NEGR1: variants seen among roughly 807,000 people sequenced by gnomAD.
NEGR1 encodes the protein neuronal growth regulator 1, also known as IgLON family member 4.
NEGR1 carries 10 observed loss-of-function variants against 40.9 expected under a neutral mutation model. That is an observed-to-expected ratio of 0.24 (90% CI 0.15 to 0.42). The LOEUF (loss-of-function observed/expected upper bound fraction) is 0.42, where lower values mean the gene tolerates loss of function less well. Among genes scored for constraint, NEGR1 ranks in the 10% least tolerant of loss-of-function variants. The pLI, the probability that NEGR1 is intolerant of heterozygous loss-of-function variation, is 1.00. For missense variants in NEGR1, 352 were observed against 438.9 expected (o/e 0.80, Z 1.77); for synonymous variants, 185 against 166.8 (o/e 1.11, Z -0.84).
chr1:72,148,785 A>G (rs183776361), intron 1 of NEGR1, among the ~76,000 whole-genome samples: 2 of 152,270 alleles, frequency 1.3e-5, no homozygotes, highest in South Asian at 2.1e-4. Context: ...CCGGTTCCCA[A>G]CAAGTTCCTC....
At chr1:71,573,497 C>T (rs1648870095) in intron 6 of NEGR1, 1 of 152,116 alleles carries the variant, frequency 6.6e-6, no homozygotes, top group South Asian at 2.1e-4. Context: ...ATGGCTGATC[C>T]TACAGACTTC....
chr1:71,795,578 G>T (rs1300701591), intron 2 of NEGR1, among the ~76,000 whole-genome samples: 2 of 151,962 alleles, frequency 1.3e-5, no homozygotes, highest in African/African-American at 4.8e-5. Flanking sequence ...TATGCACAAG[G>T]AAATACATGA....
chr1:72,137,498 G>C (rs1281803369), intron 1 of NEGR1, among the ~76,000 whole-genome samples: 1 of 138,316 alleles, frequency 7.2e-6, no homozygotes, highest in Non-Finnish European at 1.5e-5. Context: ...CACAAGAAGA[G>C]AAAACCAAAC....
At chr1:72,165,996 A>G (rs1469486687) in intron 1 of NEGR1, among the ~76,000 whole-genome samples, 1 of 152,060 alleles carries the variant, frequency 6.6e-6, no homozygotes, top group Non-Finnish European at 1.5e-5. Flanking sequence ...TTAGGCAATA[A>G]GAGTTTATAT....
intron 1 of NEGR1, among the ~76,000 whole-genome samples, chr1:72,075,742 G>A (rs1162089821): frequency 1.3e-5 from 2 of 152,156 alleles, no homozygotes; most frequent in African/African-American, 2.4e-5. Context: ...GCTGGAAAGT[G>A]GAAATGTGCC....
At chr1:72,274,877 G>C (rs1655984169) in intron 1 of NEGR1, 1 of 1,594,694 alleles carries the variant, frequency 6.3e-7, no homozygotes, top group Non-Finnish European at 8.6e-7. Flanking sequence ...GCCAACTCCT[G>C]CCAGATCATT....
At chr1:71,542,069 T>A (rs903849204) in intron 6 of NEGR1, among the ~76,000 whole-genome samples, 1 of 151,718 alleles carries the variant, frequency 6.6e-6, no homozygotes, top group African/African-American at 2.4e-5. Flanking sequence ...TAATTGACAC[T>A]ATTGGTGGGA....
At chr1:71,522,816 G>A (rs989379851) in intron 6 of NEGR1, among the ~76,000 whole-genome samples, 1 of 151,120 alleles carries the variant, frequency 6.6e-6, no homozygotes, top group African/African-American at 2.4e-5. Flanking sequence ...ACGCTCCTAT[G>A]TGTGCTTGCC....
intron 3 of NEGR1, among the ~76,000 whole-genome samples, chr1:71,739,155 TACCATCTAATC>T (rs1225844658): frequency 7.5e-6 from 1 of 132,718 alleles, no homozygotes; most frequent in Admixed American, 8.9e-5. Context: ...TCTGGGTGGA[TACCATCTAATC>T]AGCTGCCTGT....
At chr1:71,821,306 C>G (rs1434952611) in intron 2 of NEGR1, among the ~76,000 whole-genome samples, 1 of 151,952 alleles carries the variant, frequency 6.6e-6, no homozygotes, top group East Asian at 1.9e-4. Flanking sequence ...CTTGGAAGAA[C>G]ACATGCATTC....
At position 72,228,509 on chromosome 1, in the gene NEGR1, A is replaced by G. The variant is rs1015412029; in HGVS notation, c.176+53810T>C. On this transcript the variant is annotated intron_variant, in intron 1 of 6. Transcript: ENST00000357731. ...ATTGTGGGACTTCTCAGGCCCAATA[A>G]CTGAATGAGTCAATTTCCTCATAAT... Among the ~76,000 whole-genome samples the G allele has an allele frequency of 3.3e-5, 5 of 152,230 alleles. No homozygotes were observed. In the South Asian group the frequency reaches 1.0e-3, roughly 32 times the overall value.
At chr1:71,555,261 A>ACT (rs3050877) in intron 6 of NEGR1, among the ~76,000 whole-genome samples, 149,283 of 151,538 alleles carry the variant, frequency 0.99, 73,561 homozygotes, top group Non-Finnish European at 1. Flanking sequence ...TTTCATACCA[A>ACT]CTGATGAATT....
intron 1 of NEGR1, among the ~76,000 whole-genome samples, chr1:72,114,019 T>C (rs1649486657): frequency 6.6e-6 from 1 of 151,740 alleles, no homozygotes; most frequent in African/African-American, 2.4e-5. Flanking sequence ...TAAAACCATA[T>C]AGCTTACAAA....
At chr1:71,504,964 T>C (rs949115205) in intron 6 of NEGR1, among the ~76,000 whole-genome samples, 1 of 152,144 alleles carries the variant, frequency 6.6e-6, no homozygotes, top group African/African-American at 2.4e-5. Flanking sequence ...AAATTAATCC[T>C]CTTGTGTGGG....
At chr1:71,826,422 G>A (rs1658627727) in intron 2 of NEGR1, among the ~76,000 whole-genome samples, 1 of 151,750 alleles carries the variant, frequency 6.6e-6, no homozygotes, top group African/African-American at 2.4e-5. Context: ...GAAAATATAT[G>A]TCACTCAAGA....
intron 5 of NEGR1, among the ~76,000 whole-genome samples, chr1:71,610,015 T>C (rs1557586309): frequency 6.6e-6 from 1 of 152,178 alleles, no homozygotes. Context: ...AAGGAAGTGT[T>C]TGCTTCCCCT....
At chr1:71,630,915 A>G (rs1650950299) in intron 4 of NEGR1, among the ~76,000 whole-genome samples, 3 of 152,044 alleles carry the variant, frequency 2.0e-5, no homozygotes, top group Admixed American at 1.3e-4. Flanking sequence ...CTAATTACTC[A>G]TTATAATTCT....
intron 1 of NEGR1, among the ~76,000 whole-genome samples, chr1:72,039,782 C>T (rs11806908): frequency 0.082 from 12,477 of 151,796 alleles, 523 homozygotes; most frequent in African/African-American, 0.11. Context: ...AAGAATGTGG[C>T]GAGAAGGGCT....
chr1:71,791,217 G>A (rs1056232067), intron 2 of NEGR1, among the ~76,000 whole-genome samples: 1 of 151,928 alleles, frequency 6.6e-6, no homozygotes, highest in Non-Finnish European at 1.5e-5. Context: ...TGAATTTTAA[G>A]CATATTCATT....
Sources: allele counts gnomAD v4.1 joint callset (sites outside exome capture counted in the v4.1 genomes callset), GRCh38; gene constraint gnomAD v4.1.1; transcripts MANE v1.5; gene names NCBI Gene and HGNC (gene_info 2026-07-23, HGNC 2026-07-21).